The following BCL11A variants were observed in gnomAD, a reference collection of about 807,000 sequenced individuals.
BCL11A encodes the protein B cell CLL/lymphoma 11A.
Under a neutral mutation model 55.9 loss-of-function variants are expected in BCL11A, and 2 were observed. The observed-to-expected ratio is 0.04, with a 90% confidence interval of 0.01 to 0.11. The LOEUF (loss-of-function observed/expected upper bound fraction) is 0.11, where lower values mean the gene tolerates loss of function less well. Among genes scored for constraint, BCL11A ranks in the 10% least tolerant of loss-of-function variants. The pLI, the probability that BCL11A is intolerant of heterozygous loss-of-function variation, is 1.00. For missense variants in BCL11A, 817 were observed against 1,137.1 expected (o/e 0.72, Z 4.05); for synonymous variants, 465 against 473.4 (o/e 0.98, Z 0.23).
At chr2:60,452,364 G>A (rs1675758523), downstream of BCL11A, 1 of 503,840 alleles carries the variant, frequency 2.0e-6, no homozygotes, top group African/African-American at 1.9e-5. Flanking sequence ...TCCAATGTGG[G>A]TCTGTTTTTT....
In BCL11A at chr2:60,458,610, T is replaced by A; in HGVS notation, c.*1794A>T. On this transcript the variant is annotated 3_prime_UTR_variant, in exon 4 of 4. Coordinates refer to ENST00000642384, the MANE Select transcript of BCL11A (RefSeq NM_022893.4). ...GTAAATGGCTGGCAAAGTTTTTTTT[T>A]TTTTAGTTTTTAAAAAATGCTCCTC... 9.7e-7 allele frequency: 1 copy of A among 1,033,664 alleles called. No individual in the cohort carries two copies. Among genetic ancestry groups the A allele is most frequent in the Non-Finnish European group, 1.2e-6 (1 of 858,752 alleles). The allele number at this position is 1,033,664 out of a possible 1,614,324, so 64.0% of individuals were successfully genotyped here.
chr2:60,547,484 G>T (rs1670209278), intron 1 of BCL11A, among the ~76,000 whole-genome samples: 1 of 147,804 alleles, frequency 6.8e-6, no homozygotes, highest in Non-Finnish European at 1.5e-5. Flanking sequence ...GTAAGTCTCT[G>T]CTTGTGAAAT....
At chr2:60,545,218 G>C (rs549533214) in intron 2 of BCL11A, 1 of 152,398 alleles carries the variant, frequency 6.6e-6, no homozygotes, top group African/African-American at 2.4e-5. Flanking sequence ...CAGGCTGCAG[G>C]GAGCAGCCGT....
chr2:60,477,475 T>C (rs977476319), intron 2 of BCL11A, among the ~76,000 whole-genome samples: 9 of 152,048 alleles, frequency 5.9e-5, no homozygotes, highest in Non-Finnish European at 1.2e-4. Context: ...AGGGGAGGGA[T>C]AGCATTAGGA....
chr2:60,477,808 G>A (rs929384547), intron 2 of BCL11A, among the ~76,000 whole-genome samples: 1 of 152,112 alleles, frequency 6.6e-6, no homozygotes, highest in Non-Finnish European at 1.5e-5. Flanking sequence ...ATCCAAGACT[G>A]GTCTGTGCAC....
chr2:60,519,524 A>G (rs183261194), intron 2 of BCL11A, among the ~76,000 whole-genome samples: 173 of 142,014 alleles, frequency 1.2e-3, no homozygotes, highest in Admixed American at 4.7e-3. Context: ...TGCAGAGAAA[A>G]AATAAGGTCC....
At chr2:60,521,067 G>GCACACACACACACACACACACA (rs58564312) in intron 2 of BCL11A, among the ~76,000 whole-genome samples, 1 of 117,652 alleles carries the variant, frequency 8.5e-6, no homozygotes, top group African/African-American at 2.8e-5. Flanking sequence ...CTAGTGGTCA[G>GCACACACACACACACACACACA]CACACACACA....
Position 60,545,702 on chromosome 2 carries a change from A to G in BCL11A, c.385+269T>C, listed in dbSNP as rs73935328. On this transcript the variant is annotated intron_variant, in intron 2 of 3. Coordinates refer to ENST00000642384, the MANE Select transcript of BCL11A (RefSeq NM_022893.4). The stretch of plus-strand genomic sequence containing the variant: ...TGAGAAGGTGGGGATGGGGAAGAAA[A>G]GAAATCCAAAATCGACAGATCCAGA... The G allele has an allele frequency of 1.6e-3, 660 of 413,882 alleles. 6 individuals carry two copies. Among genetic ancestry groups the G allele is most frequent in the African/African-American group, 0.013 (629 of 49,498 alleles). The allele number at this position is 413,882 out of a possible 1,614,324, so 25.6% of individuals were successfully genotyped here.
At chr2:60,467,890 AGTG>A (rs1400701290) in intron 3 of BCL11A, among the ~76,000 whole-genome samples, 19 of 12,192 alleles carry the variant, frequency 1.6e-3, no homozygotes, top group African/African-American at 5.8e-3. Context: ...TGGTGGTGGT[AGTG>A]ATGGTGGTGG....
chr2:60,545,210 G>C (rs1483819361), intron 2 of BCL11A: 1 of 152,294 alleles, frequency 6.6e-6, no homozygotes, highest in South Asian at 2.1e-4. Flanking sequence ...TGAGGAGGCA[G>C]GCTGCAGGGA....
intron 2 of BCL11A, among the ~76,000 whole-genome samples, chr2:60,487,943 G>T (rs1346374438): frequency 6.6e-6 from 1 of 152,150 alleles, no homozygotes; most frequent in Non-Finnish European, 1.5e-5. Flanking sequence ...GCCACTAAAG[G>T]TTTACTGACT....
chr2:60,459,874 C>T lies in BCL11A; in HGVS notation c.*530G>A. The T allele has an allele frequency of 2.9e-6, 3 of 1,048,464 alleles. No individual in the cohort carries two copies. Among genetic ancestry groups the T allele is most frequent in the Non-Finnish European group, 3.5e-6 (3 of 868,624 alleles). The allele number at this position is 1,048,464 out of a possible 1,614,324, so 64.9% of individuals were successfully genotyped here. The stretch of plus-strand genomic sequence containing the variant: ...TAATCCAAAGACTGTTTTTCCTCCT[C>T]ACGTTATAAAATAAAACTGTACATG... On this transcript the variant is annotated 3_prime_UTR_variant, in exon 4 of 4. Coordinates refer to ENST00000642384, the MANE Select transcript of BCL11A (RefSeq NM_022893.4).
At chr2:60,526,689 T>G (rs1669217437) in intron 2 of BCL11A, 1 of 152,196 alleles carries the variant, frequency 6.6e-6, no homozygotes, top group African/African-American at 2.4e-5. Flanking sequence ...TGTGTCTATG[T>G]CAGGAGGGTG....
At chr2:60,534,579 TAC>T (rs1362170798) in intron 2 of BCL11A, 1 of 152,238 alleles carries the variant, frequency 6.6e-6, no homozygotes, top group Non-Finnish European at 1.5e-5. Flanking sequence ...ACTTAAATTT[TAC>T]AGTCTTCTCC....
intron 2 of BCL11A, chr2:60,484,505 C>G (rs1366035275): frequency 6.6e-6 from 1 of 152,152 alleles, no homozygotes; most frequent in Non-Finnish European, 1.5e-5. Flanking sequence ...TACAGATAAA[C>G]CGGGTTGCTT....
intron 2 of BCL11A, among the ~76,000 whole-genome samples, chr2:60,497,970 G>C (rs544081890): frequency 1.4e-4 from 22 of 152,252 alleles, no homozygotes; most frequent in Non-Finnish European, 2.6e-4. Flanking sequence ...ATAAAGGTCA[G>C]GGTGTTGCAG....
At position 60,460,288 on chromosome 2, in the gene BCL11A, A is replaced by T; in HGVS notation, c.*116T>A. 2 of 1,464,978 alleles carry T rather than the reference A, an allele frequency of 1.4e-6. No homozygotes were observed. The highest frequency in any genetic ancestry group is 1.8e-6 in the Non-Finnish European group (2 of 1,106,516). The allele number at this position is 1,464,978 out of a possible 1,614,324, so 90.7% of individuals were successfully genotyped here. On this transcript the variant is annotated 3_prime_UTR_variant, in exon 4 of 4. Coordinates refer to ENST00000642384, the MANE Select transcript of BCL11A (RefSeq NM_022893.4). ...TTCTGTTTGTTTGTTTGTTTGTTTA[A>T]ATCACATGGGACTAGAAAAAAATCC...
chr2:60,450,862 C>T (rs1286439345), downstream of BCL11A: 6 of 152,688 alleles, frequency 3.9e-5, no homozygotes, highest in Non-Finnish European at 5.9e-5. Flanking sequence ...CAAAGGCCAT[C>T]CTGGGTCTGT....
chr2:60,480,986 G>C (rs1396522518), intron 2 of BCL11A, among the ~76,000 whole-genome samples: 1 of 152,170 alleles, frequency 6.6e-6, no homozygotes, highest in Non-Finnish European at 1.5e-5. Context: ...AGGCTAGGAA[G>C]CTAGACCTGG....
Sources: gnomAD v4.1 joint callset for allele counts (sites outside exome capture counted in the v4.1 genomes callset) on GRCh38, gnomAD v4.1.1 for gene constraint, MANE v1.5 for transcripts, NCBI Gene and HGNC (gene_info 2026-07-23, HGNC 2026-07-21) for gene names.